Variants in LIPE observed in about 807,000 individuals in gnomAD.
The protein encoded by LIPE is hormone-sensitive lipase.
In LIPE, 66 loss-of-function variants were observed where a neutral mutation model predicts 88.5. The observed-to-expected ratio is 0.75, with a 90% confidence interval of 0.61 to 0.91. The LOEUF is 0.91. Ranked by LOEUF, LIPE falls within the 40% of genes least tolerant of loss-of-function variation. LIPE has a pLI of 0.00. For synonymous variants in LIPE, 570 were observed against 617.5 expected, an observed-to-expected ratio of 0.92 and a Z score of 1.14; for missense variants, 1,346 against 1,434.7, an observed-to-expected ratio of 0.94 and a Z score of 1.00.
In LIPE at chr19:42,407,184, G is replaced by T; in HGVS notation, c.2127C>A (p.Cys709Ter). ...GGGCCTGAGGCTCACCAAGGAGGGC[G>T]CAGTGCTTGATGGCCCAGCAGTAGG... ...FFAYCWAIKH[C>*]ALLGSTGERI... Residue 709 changes from cysteine to a stop codon, truncating the protein, a stop_gained, in exon 6 of 10, where the codon TGC becomes TGA. Coordinates refer to ENST00000244289, the MANE Select transcript of LIPE (RefSeq NM_005357.4). LOFTEE classifies it high-confidence loss of function. This position sits in a 1 kb window ranked among gnomAD's most constrained non-coding sequence, Gnocchi z 5.8. 1 of 1,513,348 alleles carries T rather than the reference G, an allele frequency of 6.6e-7. No individual in the cohort carries two copies. 93.7% of individuals were successfully genotyped at this position (1,513,348 alleles called of 1,614,324 possible).
chr19:42,407,531 C>T lies in LIPE; in HGVS notation c.1843-63G>A. ...AGAGCTGGCCAGGGCTGCACCCCTC[C>T]ATGGGGATGCCAAGGTGGGGGCTGC... is the stretch of plus-strand genomic sequence containing the variant. On this transcript the variant is annotated intron_variant, in intron 5 of 9. Coordinates refer to ENST00000244289, the MANE Select transcript of LIPE (RefSeq NM_005357.4). The surrounding 1 kb of genome is among the most constrained non-coding windows in gnomAD (Gnocchi z 5.8). 6.3e-7 allele frequency: 1 copy of T among 1,578,058 alleles called. No homozygotes were observed. The highest frequency in any genetic ancestry group is 2.2e-5 in the East Asian group (1 of 44,470).
chr19:42,413,447 T>C (rs901805446), intron 1 of LIPE, among the ~76,000 whole-genome samples: 1 of 152,106 alleles, frequency 6.6e-6, no homozygotes, highest in African/African-American at 2.4e-5. Flanking sequence ...GGGCGGATCA[T>C]GAGGTCAGCA....
In LIPE at chr19:42,426,893, T is replaced by A. The variant is rs1424238875; in HGVS notation, c.257A>T (p.Glu86Val). 6.2e-7 allele frequency: 1 copy of A among 1,614,176 alleles called. No homozygotes were observed. The highest frequency in any genetic ancestry group is 2.2e-5 in the East Asian group (1 of 44,878). The change falls in exon 1 of 10, where the codon GAA (glutamate) becomes GTA (valine). Residue 86 changes from glutamate to valine, a missense_variant. Physicochemically the swap from Glu to Val is moderately radical, Grantham distance 121 (BLOSUM62 -2). Transcript: ENST00000244289. ...RAQQKSASQE[E>V]FLAPQKPAPQ... ...TGCGGGCTTCTGTGGGGCAAGAAATTCCTCTTGTGAAGCAGATTTTTGTTG... is the reference window on the plus strand; with the variant it reads ...TGCGGGCTTCTGTGGGGCAAGAAATACCTCTTGTGAAGCAGATTTTTGTTG...
Position 42,401,683 on chromosome 19 carries a change from C to G in LIPE, c.*129G>C. On this transcript the variant is annotated 3_prime_UTR_variant, in exon 10 of 10. Transcript: ENST00000244289. ...GCGTCCCCCTCCCCGTGGCGAGGGT[C>G]TCAGCTTTCGGGCCCCCGCCCCGCC... The G allele has an allele frequency of 8.1e-5, 41 of 508,552 alleles. No individual in the cohort carries two copies. Among genetic ancestry groups the G allele is most frequent in the East Asian group, 3.5e-4 (6 of 17,370 alleles). The allele number at this position is 508,552 out of a possible 1,614,324, so 31.5% of individuals were successfully genotyped here.
rs1344002889 is a variant in LIPE at position 42,407,243 on chromosome 19, G to C, written c.2068C>G (p.Pro690Ala). 1.9e-6 allele frequency: 3 copies of C among 1,588,484 alleles called. No individual in the cohort carries two copies. The highest frequency in any genetic ancestry group is 2.6e-6 in the Non-Finnish European group (3 of 1,167,498). ...SIDYSLAPEA[P>A]FPRALEECFF... ...CACTCCTCCAGCGCACGGGGGAAGG[G>C]GGCCTCAGGGGCCAGGGAGTAGTCG... The change falls in exon 6 of 10, where the codon CCC becomes GCC. Residue 690 changes from proline (P) to alanine (A), a missense_variant. Coordinates refer to ENST00000244289, the MANE Select transcript of LIPE (RefSeq NM_005357.4). The surrounding 1 kb of genome is among the most constrained non-coding windows in gnomAD (Gnocchi z 5.8).
At position 42,402,729 on chromosome 19, in the gene LIPE, G is replaced by A. The variant is rs765119040; in HGVS notation, c.2845C>T (p.Arg949Cys). 8.3e-6 allele frequency: 13 copies of A among 1,561,006 alleles called. No individual in the cohort carries two copies. The highest frequency in any genetic ancestry group is 1.1e-5 in the Non-Finnish European group (13 of 1,148,110). ...ATCTGTGTGGCACCCTGGCTGGAGC[G>A]TCGGGGGTGGAAACCCTCGGGGAAG... is the stretch of plus-strand genomic sequence containing the variant. ...AAFPEGFHPR[R>C]SSQGATQMPL... Residue 949 changes from arginine (R) to cysteine (C), a missense_variant, in exon 9 of 10, where the codon CGC becomes TGC. Coordinates refer to ENST00000244289, the MANE Select transcript of LIPE (RefSeq NM_005357.4).
In LIPE at chr19:42,406,938, G is replaced by A. The variant is rs537416374; in HGVS notation, c.2137+236C>T. On this transcript the variant is annotated intron_variant, in intron 6 of 9. Transcript: ENST00000244289. This position sits in a 1 kb window ranked among gnomAD's most constrained non-coding sequence, Gnocchi z 5.7. The stretch of plus-strand genomic sequence containing the variant: ...CAGAGGGGGACGACAGAGGCCCAGG[G>A]AGACAGGACGGTGGGTGGGAAGTGG... 1.3e-5 allele frequency among the ~76,000 whole-genome samples: 2 copies of A among 152,308 alleles called. No homozygotes were observed. Among genetic ancestry groups the A allele is most frequent in the East Asian group, 1.9e-4 (1 of 5,182 alleles).
chr19:42,423,951 C>T (rs1309931348), intron 1 of LIPE: 2 of 1,168,588 alleles, frequency 1.7e-6, no homozygotes, highest in African/African-American at 1.6e-5. Context: ...CCCTAGCACG[C>T]GGCCCGGCCC....
chr19:42,405,466 G>C lies in LIPE; in HGVS notation c.2461C>G (p.Arg821Gly), dbSNP rs370955937. ...RDTALLLRDF[R>G]LGASSWLNSF... ...TTGAGCCATGAGGAGGCACCCAGGC[G>C]GAAGTCTCGGAGGAGCAGGGCTGTG... Residue 821 changes from arginine to glycine, a missense_variant, in exon 8 of 10, where the codon CGC becomes GGC. Transcript: ENST00000244289. 6.2e-7 allele frequency: 1 copy of C among 1,614,062 alleles called. No homozygotes were observed. The highest frequency in any genetic ancestry group is 8.5e-7 in the Non-Finnish European group (1 of 1,179,962).
rs1323175622 is a variant in LIPE, at chr19:42,404,133, C to T, written c.2543-1102G>A. Among the ~76,000 whole-genome samples the T allele has an allele frequency of 2.7e-5, 4 of 150,202 alleles. No homozygotes were observed. In the East Asian group the frequency reaches 7.8e-4, roughly 29 times the overall value. ...AGGCTGGAGTGCAGTGGTGCGATCT[C>T]GGCTCACTGTAACCTCTGCCTCCCG... is the stretch of plus-strand genomic sequence containing the variant. On this transcript the variant is annotated intron_variant, in intron 8 of 9. Coordinates refer to ENST00000244289, the MANE Select transcript of LIPE (RefSeq NM_005357.4).
chr19:42,423,785 AC>A, intron 1 of LIPE: 2 of 1,104,238 alleles, frequency 1.8e-6, no homozygotes, highest in South Asian at 4.2e-5. Flanking sequence ...CAAAAAGGCA[AC>A]CCCGGGGGTG....
At chr19:42,405,362 T>A (rs369056178) in intron 8 of LIPE, 23 bp downstream of exon 8, 1 of 1,608,876 alleles carries the variant, frequency 6.2e-7, no homozygotes. Flanking sequence ...TGGCTGGGCA[T>A]GTGACGGGAG....
rs1173714791 is a variant in LIPE, at chr19:42,408,476, C to T, written c.1420-154G>A. The T allele has an allele frequency of 1.4e-5, 9 of 653,620 alleles. No individual in the cohort carries two copies. Among genetic ancestry groups the T allele is most frequent in the African/African-American group, 3.6e-5 (2 of 55,574 alleles). 40.5% of individuals were successfully genotyped at this position (653,620 alleles called of 1,614,324 possible). A position where few individuals can be genotyped will look rare whatever the true frequency, so the allele number is the denominator to read the frequency against. On this transcript the variant is annotated intron_variant, in intron 2 of 9. Transcript: ENST00000244289. The surrounding 1 kb of genome is among the most constrained non-coding windows in gnomAD (Gnocchi z 4.3). ...CTGGGCATAGCTCTCGGCTGGTTCACGGACCTGATGTTCTCAAAGGGAAAA... is the reference window on the plus strand; with the variant it reads ...CTGGGCATAGCTCTCGGCTGGTTCATGGACCTGATGTTCTCAAAGGGAAAA...
At chr19:42,425,884 C>A (rs377722269) in intron 1 of LIPE, among the ~76,000 whole-genome samples, 20 of 152,226 alleles carry the variant, frequency 1.3e-4, no homozygotes, top group African/African-American at 3.6e-4. Context: ...CTCATTGCAA[C>A]CTTTGCCTCC....
In LIPE at chr19:42,426,890, A is replaced by T; in HGVS notation, c.260T>A (p.Phe87Tyr). 6.2e-7 allele frequency: 1 copy of T among 1,614,060 alleles called. No individual in the cohort carries two copies. The highest frequency in any genetic ancestry group is 8.5e-7 in the Non-Finnish European group (1 of 1,180,018). Residue 87 changes from phenylalanine to tyrosine, a missense_variant, in exon 1 of 10, where the codon TTT (phenylalanine) becomes TAT (tyrosine). By Grantham distance (22) the Phe-to-Tyr change is conservative (BLOSUM62 3). Transcript: ENST00000244289. ...TGGTGCGGGCTTCTGTGGGGCAAGA[A>T]ATTCCTCTTGTGAAGCAGATTTTTG... Reference protein sequence around the residue: ...AQQKSASQEEFLAPQKPAPQQ... With the variant: ...AQQKSASQEEYLAPQKPAPQQ...
In LIPE at chr19:42,408,207, C is replaced by A. The variant is rs184562341; in HGVS notation, c.1510+25G>T. 2 of 1,613,428 alleles carry A rather than the reference C, an allele frequency of 1.2e-6. No homozygotes were observed. The highest frequency in any genetic ancestry group is 1.3e-5 in the African/African-American group (1 of 74,848). ...GGAGGAGGGCCAAGAGAGTAGGCTG[C>A]GAGTAGAACCTGGCTGGGACTCACT... On this transcript the variant is annotated intron_variant, in intron 3 of 9. Coordinates refer to ENST00000244289, the MANE Select transcript of LIPE (RefSeq NM_005357.4). This position sits in a 1 kb window ranked among gnomAD's most constrained non-coding sequence, Gnocchi z 4.3.
Position 42,412,275 on chromosome 19 carries a change from T to C in LIPE, c.884-1433A>G, listed in dbSNP as rs1600130034. 4 of 985,586 alleles carry C rather than the reference T, an allele frequency of 4.1e-6. No individual in the cohort carries two copies. The African/African-American group carries it at 7.0e-5, about 17-fold the overall frequency. The allele number at this position is 985,586 out of a possible 1,614,324, so 61.1% of individuals were successfully genotyped here. A position where few individuals can be genotyped will look rare whatever the true frequency, so the allele number is the denominator to read the frequency against. ...CCCTCCCAAAGCCCAGCACCTTGCCTGTTCCCCTAGAAGAAGGTATTTCCT... is the reference window on the plus strand; with the variant it reads ...CCCTCCCAAAGCCCAGCACCTTGCCCGTTCCCCTAGAAGAAGGTATTTCCT... On this transcript the variant is annotated intron_variant, in intron 1 of 9. Transcript: ENST00000244289.
chr19:42,418,181 C>T lies in LIPE; in HGVS notation c.884-7339G>A, dbSNP rs900581417. Among the ~76,000 whole-genome samples the T allele has an allele frequency of 7.9e-5, 12 of 152,208 alleles. No homozygotes were observed. The East Asian group carries it at 1.4e-3, about 17-fold the overall frequency. On this transcript the variant is annotated intron_variant, in intron 1 of 9. Coordinates refer to ENST00000244289, the MANE Select transcript of LIPE (RefSeq NM_005357.4). ...TATTTTTAGTAGAGACGGGGTTTTA[C>T]CATGTTGGCCAGGCTGGCCTCAAAC...
chr19:42,417,371 T>C (rs2147654555), intron 1 of LIPE, among the ~76,000 whole-genome samples: 2 of 152,270 alleles, frequency 1.3e-5, no homozygotes, highest in Non-Finnish European at 2.9e-5. Context: ...GTGATCCTCC[T>C]ACTTCAGCCT....
Sources: gnomAD v4.1 joint callset for allele counts (sites outside exome capture counted in the v4.1 genomes callset) on GRCh38, gnomAD v4.1.1 for gene constraint, Gnocchi (gnomAD v3.1) non-coding constraint, MANE v1.5 for transcripts, NCBI Gene and HGNC (gene_info 2026-07-23, HGNC 2026-07-21) for gene names.